BUB1: variants seen among roughly 807,000 people sequenced by gnomAD.
BUB1 encodes the protein BUB1 mitotic checkpoint serine/threonine kinase.
A neutral mutation model predicts 135.2 loss-of-function variants in BUB1; 84 were observed. The observed-to-expected ratio is 0.62, with a 90% CI of 0.52 to 0.74. BUB1 has a LOEUF of 0.74. BUB1 is among the 30% of genes least tolerant of loss of function. The probability of loss-of-function intolerance (pLI) is 0.00; values close to 1 mark genes in which losing one functional copy is unlikely to be tolerated. For synonymous variants in BUB1, 403 were observed against 434.4 expected (o/e 0.93, Z 0.90); for missense variants, 1,162 against 1,288.3 (o/e 0.90, Z 1.50).
At chr2:110,652,368 T>C (rs900556972) in intron 17 of BUB1, among the ~76,000 whole-genome samples, 8 of 151,954 alleles carry the variant, frequency 5.3e-5, no homozygotes, top group African/African-American at 1.9e-4. Flanking sequence ...TTTTTCTTGG[T>C]GATTTTGGTA....
chr2:110,642,211 G>A lies in BUB1; in HGVS notation c.2371C>T (p.His791Tyr). Residue 791 changes from histidine to tyrosine, a missense_variant, in exon 20 of 25, where the codon CAC becomes TAC. Physicochemically the swap from His to Tyr is moderately conservative, Grantham distance 83. Coordinates refer to ENST00000302759, the MANE Select transcript of BUB1 (RefSeq NM_004336.5). ...GCAAAGGCTCCTTCTCCAAGAAGGTGATGGACATAGACCAGCTTAGAACCT... is the reference window on the plus strand; with the variant it reads ...GCAAAGGCTCCTTCTCCAAGAAGGTAATGGACATAGACCAGCTTAGAACCT... ...QLGSKLVYVH[H>Y]LLGEGAFAQV... The A allele has an allele frequency of 6.2e-7, 1 of 1,613,318 alleles. No homozygotes were observed. The highest frequency in any genetic ancestry group is 8.5e-7 in the Non-Finnish European group (1 of 1,179,494).
intron 1 of BUB1, chr2:110,675,163 A>G (rs995099448): frequency 4.6e-5 from 7 of 152,284 alleles, no homozygotes; most frequent in African/African-American, 1.7e-4. Context: ...ACTACAGCTG[A>G]AAAAAAGCAG....
At chr2:110,665,444 G>T (rs1045530675) in intron 9 of BUB1, among the ~76,000 whole-genome samples, 1 of 151,934 alleles carries the variant, frequency 6.6e-6, no homozygotes, top group Non-Finnish European at 1.5e-5. Context: ...AGGTGGGTGT[G>T]GTGGCACATG....
chr2:110,669,776 CCTAA>C (rs1690367221), intron 5 of BUB1, among the ~76,000 whole-genome samples: 1 of 152,034 alleles, frequency 6.6e-6, no homozygotes, highest in African/African-American at 2.4e-5. Context: ...AAATGTAAAA[CCTAA>C]CTAATAATTT....
intron 9 of BUB1, 118 bp from the exon 10 acceptor site, chr2:110,661,959 G>A: frequency 7.9e-7 from 1 of 1,262,044 alleles, no homozygotes; most frequent in Non-Finnish European, 1.1e-6. Flanking sequence ...CTTTTTCCTT[G>A]AAGTTTCCCC....
rs1413215875 is a variant in BUB1 at position 110,637,781 on chromosome 2, T to C, written c.*183A>G. On this transcript the variant is annotated 3_prime_UTR_variant, in exon 25 of 25. Transcript: ENST00000302759. ...GAAGCAGCCCAATCAGCCTGCTATA[T>C]AGGGACCTTATGGGGTTGTATATTT... 4.5e-6 allele frequency: 2 copies of C among 443,200 alleles called. No homozygotes were observed. Among genetic ancestry groups the C allele is most frequent in the African/African-American group, 4.1e-5 (2 of 49,222 alleles). The allele number at this position is 443,200 out of a possible 1,614,324, so 27.5% of individuals were successfully genotyped here.
chr2:110,641,966 A>C, intron 20 of BUB1, 153 bp downstream of exon 20: 1 of 1,010,372 alleles, frequency 9.9e-7, no homozygotes, highest in Non-Finnish European at 1.4e-6. Flanking sequence ...TTAGTGGGAA[A>C]AAAATTCTAA....
At chr2:110,674,472 T>A in intron 1 of BUB1, 107 bp from the exon 2 acceptor site, 1 of 937,794 alleles carries the variant, frequency 1.1e-6, no homozygotes, top group Non-Finnish European at 1.7e-6. Flanking sequence ...ACAAAAATCT[T>A]AAATATCAAT....
chr2:110,656,971 T>C (rs2104535864), intron 15 of BUB1, 65 bp downstream of exon 15: 1 of 1,217,404 alleles, frequency 8.2e-7, no homozygotes, highest in Non-Finnish European at 1.2e-6. Context: ...ACTGGCATAA[T>C]CATTTGGTAG....
intron 20 of BUB1, 59 bp downstream of exon 20, chr2:110,642,060 C>A: frequency 7.5e-7 from 1 of 1,329,352 alleles, no homozygotes; most frequent in Non-Finnish European, 1.0e-6. Context: ...AATTTCTTGG[C>A]AAACTCAAGT....
At chr2:110,649,788 T>A (rs1689733507) in intron 18 of BUB1, among the ~76,000 whole-genome samples, 1 of 152,188 alleles carries the variant, frequency 6.6e-6, no homozygotes, top group African/African-American at 2.4e-5. Flanking sequence ...CCACAAAACT[T>A]ATACTACCTA....
chr2:110,644,004 A>C (rs1033422856), intron 19 of BUB1, among the ~76,000 whole-genome samples: 5 of 151,208 alleles, frequency 3.3e-5, no homozygotes, highest in African/African-American at 9.7e-5. Context: ...CATGGCAGGG[A>C]AAAGAATCAG....
intron 21 of BUB1, 39 bp from the exon 22 acceptor site, chr2:110,641,503 CAAGATT>C: frequency 6.3e-7 from 1 of 1,576,748 alleles, no homozygotes; most frequent in Non-Finnish European, 8.6e-7. Context: ...GTTAGTTGCA[CAAGATT>C]AATAAAATTT....
intron 21 of BUB1, 31 bp downstream of exon 21, chr2:110,641,611 T>G (rs1206171443): frequency 6.2e-7 from 1 of 1,600,480 alleles, no homozygotes; most frequent in African/African-American, 1.3e-5. Context: ...CATTTTAAAT[T>G]CATGTGCTCA....
Position 110,659,981 on chromosome 2 carries a change from C to T in BUB1, c.1273G>A (p.Glu425Lys), listed in dbSNP as rs1261882463. Residue 425 changes from glutamate (E) to lysine (K), a missense_variant, in exon 11 of 25, where the codon GAA becomes AAA. Coordinates refer to ENST00000302759, the MANE Select transcript of BUB1 (RefSeq NM_004336.5). ...ATTTATTATAATTAAACATTACCTT[C>T]TTTGATCTCTGCTCCACTCTGTGGC... is the stretch of plus-strand genomic sequence containing the variant. The part of the protein sequence containing the change: ...FKPQSGAEIK[E>K]GCETHKVANT... 11 of 1,607,694 alleles carry T rather than the reference C, an allele frequency of 6.8e-6. No individual in the cohort carries two copies. Among genetic ancestry groups the T allele is most frequent in the African/African-American group, 1.3e-5 (1 of 74,924 alleles).
chr2:110,670,433 C>T, intron 5 of BUB1, 92 bp downstream of exon 5: 2 of 1,455,098 alleles, frequency 1.4e-6, no homozygotes, highest in Non-Finnish European at 1.9e-6. Context: ...CCACCATGCC[C>T]AGCCGGGTTT....
Position 110,657,048 on chromosome 2 carries a change from AG to A in BUB1, c.1685del (p.Pro562LeufsTer61). On this transcript the variant is annotated frameshift_variant, in exon 15 of 25. Coordinates refer to ENST00000302759, the MANE Select transcript of BUB1 (RefSeq NM_004336.5). LOFTEE classifies it high-confidence loss of function. ...CAGGTTTGTTTACCTTTGGTTTTGA[AG>A]GAAGTCTGCTGACAGAGCGTTCTCC... ...TFGERSVSRL[P>X]SKPKEEVPHA... 6.2e-7 allele frequency: 1 copy of A among 1,612,580 alleles called. No homozygotes were observed. The highest frequency in any genetic ancestry group is 1.7e-5 in the Admixed American group (1 of 59,898).
chr2:110,665,008 C>CT (rs1299426282), intron 9 of BUB1, among the ~76,000 whole-genome samples: 1 of 152,194 alleles, frequency 6.6e-6, no homozygotes, highest in Non-Finnish European at 1.5e-5. Context: ...AGAGGGCAGA[C>CT]TGACAGCATT....
At position 110,672,726 on chromosome 2, in the gene BUB1, A is replaced by G; in HGVS notation, c.357T>C (p.Ser119=). 6.2e-7 allele frequency: 1 copy of G among 1,614,048 alleles called. No individual in the cohort carries two copies. Among genetic ancestry groups the G allele is most frequent in the East Asian group, 2.2e-5 (1 of 44,892 alleles). The change falls in exon 4 of 25, where the codon AGT becomes AGC. Residue 119 remains serine (S), a synonymous_variant. Coordinates refer to ENST00000302759, the MANE Select transcript of BUB1 (RefSeq NM_004336.5). ...LEAQGELQHA[S]AVLQRGIQNQ... is the part of the protein sequence containing the mutation. Reference sequence around the variant, plus strand: ...TTTGAATTCCTCTCTGAAGGACAGCACTGGCATGCTGCAGCTCTCCTTGGG... The same window carrying G: ...TTTGAATTCCTCTCTGAAGGACAGCGCTGGCATGCTGCAGCTCTCCTTGGG...
Sources: allele counts gnomAD v4.1 joint callset (sites outside exome capture counted in the v4.1 genomes callset), GRCh38; gene constraint gnomAD v4.1.1; transcripts MANE v1.5; gene names NCBI Gene and HGNC (gene_info 2026-07-23, HGNC 2026-07-21).